The following MED13L variants were observed in gnomAD, a reference collection of about 807,000 sequenced individuals.
The protein encoded by MED13L is mediator complex subunit 13L, also known as mediator of RNA polymerase II transcription subunit 13-like.
Under a neutral mutation model 220.9 loss-of-function variants are expected in MED13L, and 7 were observed. The observed-to-expected ratio is 0.03, with a 90% CI of 0.02 to 0.06. The LOEUF is 0.06. Ranked by LOEUF, MED13L falls within the 10% of genes least tolerant of loss-of-function variation. MED13L has a pLI of 1.00. For synonymous variants in MED13L, 1,011 were observed against 1,015.2 expected (o/e 1.00, Z 0.08); for missense variants, 1,965 against 2,760.5 (o/e 0.71, Z 6.46).
intron 2 of MED13L, among the ~76,000 whole-genome samples, chr12:116,152,925 A>G (rs1878159885): frequency 6.6e-6 from 1 of 152,024 alleles, no homozygotes; most frequent in South Asian, 2.1e-4. Context: ...GACATTTTTC[A>G]TAATAGAAGT....
At chr12:116,157,587 G>A (rs1195263722) in intron 2 of MED13L, among the ~76,000 whole-genome samples, 1 of 152,164 alleles carries the variant, frequency 6.6e-6, no homozygotes, top group Non-Finnish European at 1.5e-5. Context: ...TGAACTACCT[G>A]AGTGCAAGAG....
At chr12:116,203,082 G>T (rs1436030465) in intron 2 of MED13L, among the ~76,000 whole-genome samples, 1 of 152,142 alleles carries the variant, frequency 6.6e-6, no homozygotes, top group Non-Finnish European at 1.5e-5. Flanking sequence ...TACAAAAACA[G>T]CGGGACCAAA....
intron 1 of MED13L, among the ~76,000 whole-genome samples, chr12:116,243,407 T>C (rs555787386): frequency 1.3e-5 from 2 of 152,262 alleles, no homozygotes; most frequent in East Asian, 3.9e-4. Context: ...ATGGGTTAAG[T>C]GGCAGATACT....
chr12:116,108,727 T>G (rs999225196), intron 3 of MED13L, among the ~76,000 whole-genome samples: 13 of 152,220 alleles, frequency 8.5e-5, no homozygotes, highest in Non-Finnish European at 1.9e-4. Context: ...GTTTTATTTG[T>G]TTCAAAATTG....
intron 7 of MED13L, among the ~76,000 whole-genome samples, chr12:116,016,210 G>A (rs983959472): frequency 6.6e-6 from 1 of 151,896 alleles, no homozygotes; most frequent in South Asian, 2.1e-4. Flanking sequence ...AGGTGAAAAA[G>A]AAAGAAGCAA....
At chr12:116,151,211 T>A (rs776921526) in intron 2 of MED13L, among the ~76,000 whole-genome samples, 7 of 152,208 alleles carry the variant, frequency 4.6e-5, no homozygotes, top group Non-Finnish European at 7.3e-5. Flanking sequence ...TATTTAGTTA[T>A]GAATTTCTGT....
At chr12:116,234,900 C>G (rs1476391401) in intron 2 of MED13L, among the ~76,000 whole-genome samples, 1 of 151,456 alleles carries the variant, frequency 6.6e-6, no homozygotes, top group Non-Finnish European at 1.5e-5. Flanking sequence ...TGGCCTCAAG[C>G]ATTTGGGCCC....
chr12:116,146,441 C>G (rs1002205026), intron 2 of MED13L, among the ~76,000 whole-genome samples: 16 of 145,102 alleles, frequency 1.1e-4, no homozygotes, highest in Non-Finnish European at 1.5e-5. Context: ...TTGTTTTTTC[C>G]TTTTTTTTTT....
intron 25 of MED13L, among the ~76,000 whole-genome samples, chr12:115,974,902 G>A (rs941679768): frequency 2.6e-5 from 4 of 151,950 alleles, no homozygotes; most frequent in East Asian, 1.9e-4. Context: ...ATAAATGTTC[G>A]AAATGTGAAT....
At chr12:116,134,739 T>A (rs912039014) in intron 2 of MED13L, among the ~76,000 whole-genome samples, 2 of 152,216 alleles carry the variant, frequency 1.3e-5, no homozygotes, top group Admixed American at 1.3e-4. Flanking sequence ...AACCATGTTA[T>A]GCTATTTACG....
intron 4 of MED13L, among the ~76,000 whole-genome samples, chr12:116,029,255 AAAG>A (rs1366251970): frequency 4.0e-5 from 6 of 150,596 alleles, no homozygotes; most frequent in African/African-American, 9.7e-5. Flanking sequence ...GAAAAAAAAA[AAAG>A]GGGGGGGAGG....
intron 14 of MED13L, 114 bp downstream of exon 14, chr12:116,002,889 C>CT: frequency 1.1e-6 from 1 of 888,590 alleles, no homozygotes; most frequent in Non-Finnish European, 1.8e-6. Flanking sequence ...AGTTAGAATT[C>CT]TGTCAAAAGG....
intron 1 of MED13L, among the ~76,000 whole-genome samples, chr12:116,271,637 A>G (rs1227122746): frequency 6.6e-6 from 1 of 152,134 alleles, no homozygotes; most frequent in African/African-American, 2.4e-5. Flanking sequence ...AAAAAAAAAA[A>G]AAAAGAAACG....
chr12:116,036,283 C>G (rs1214785896), intron 4 of MED13L, among the ~76,000 whole-genome samples: 3 of 152,252 alleles, frequency 2.0e-5, no homozygotes, highest in East Asian at 3.9e-4. Flanking sequence ...GTTTAATCAT[C>G]AATAGGAGAA....
chr12:116,112,823 G>T (rs914531132), intron 2 of MED13L, among the ~76,000 whole-genome samples: 5 of 152,084 alleles, frequency 3.3e-5, no homozygotes, highest in Non-Finnish European at 7.4e-5. Flanking sequence ...GAATTTTTCT[G>T]GGTTTGAAAA....
chr12:116,077,880 C>T (rs551127089), intron 4 of MED13L, among the ~76,000 whole-genome samples: 2 of 152,316 alleles, frequency 1.3e-5, no homozygotes, highest in Non-Finnish European at 2.9e-5. Flanking sequence ...TGGCCGGGCA[C>T]TGTGGCTCAC....
At chr12:115,992,022 G>T in intron 16 of MED13L, 65 bp from the exon 17 acceptor site, 1 of 1,333,258 alleles carries the variant, frequency 7.5e-7, no homozygotes. Flanking sequence ...CTAGACACAT[G>T]ATCACCCCAG....
At chr12:115,961,978 AAAAG>A (rs1466950644) in intron 30 of MED13L, among the ~76,000 whole-genome samples, 13 of 152,160 alleles carry the variant, frequency 8.5e-5, no homozygotes, top group Non-Finnish European at 1.3e-4. Flanking sequence ...AAAAAAAAGA[AAAAG>A]AAAACGAAAA....
chr12:116,154,497 T>C (rs774136482), intron 2 of MED13L, among the ~76,000 whole-genome samples: 1 of 152,230 alleles, frequency 6.6e-6, no homozygotes, highest in Non-Finnish European at 1.5e-5. Context: ...AATAATTCCA[T>C]GCAAACGATT....
Sources: gnomAD v4.1 joint callset for allele counts (sites outside exome capture counted in the v4.1 genomes callset) on GRCh38, gnomAD v4.1.1 for gene constraint, MANE v1.5 for transcripts, NCBI Gene and HGNC (gene_info 2026-07-23, HGNC 2026-07-21) for gene names.